Variants in STXBP6 observed in about 807,000 individuals in gnomAD.
STXBP6 encodes the protein syntaxin-binding protein 6.
In STXBP6, 21 loss-of-function variants were observed where a neutral mutation model predicts 26.9. The ratio of observed to expected loss-of-function variants is 0.78; its 90% CI spans 0.55 to 1.12. The LOEUF (loss-of-function observed/expected upper bound fraction) is 1.12, where lower values mean the gene tolerates loss of function less well. Among genes scored for constraint, STXBP6 ranks in the 50% most tolerant of loss-of-function variants. STXBP6 has a pLI of 0.00. For missense variants in STXBP6, 232 were observed against 257.9 expected (o/e 0.90, Z 0.69); for synonymous variants, 97 against 92.6 (o/e 1.05, Z -0.27).
chr14:24,816,872 A>G (rs974051754), intron 5 of STXBP6: 4 of 151,992 alleles, frequency 2.6e-5, no homozygotes, highest in African/African-American at 4.8e-5. Flanking sequence ...CAATTCTCCA[A>G]TCCCTCTACA....
At chr14:24,841,411 G>A (rs550635440) in intron 4 of STXBP6, among the ~76,000 whole-genome samples, 12 of 152,018 alleles carry the variant, frequency 7.9e-5, no homozygotes, top group Non-Finnish European at 1.3e-4. Flanking sequence ...TTTTTCTCTA[G>A]GTAAAGCTTT....
chr14:25,003,284 A>G (rs1171038242), intron 1 of STXBP6, among the ~76,000 whole-genome samples: 1 of 152,128 alleles, frequency 6.6e-6, no homozygotes, highest in Non-Finnish European at 1.5e-5. Flanking sequence ...AACCTCTAAT[A>G]CCAAGGAGAG....
At chr14:24,938,459 T>C (rs895949921) in intron 2 of STXBP6, among the ~76,000 whole-genome samples, 25 of 152,254 alleles carry the variant, frequency 1.6e-4, no homozygotes, top group African/African-American at 6.0e-4. Context: ...AAGGCCCTTG[T>C]TTGCTGTATG....
intron 4 of STXBP6, among the ~76,000 whole-genome samples, chr14:24,846,558 G>A (rs1307810215): frequency 6.6e-6 from 1 of 152,120 alleles, no homozygotes; most frequent in Non-Finnish European, 1.5e-5. Context: ...CATAAAGGTT[G>A]CCAGATAAAA....
intron 2 of STXBP6, among the ~76,000 whole-genome samples, chr14:24,886,007 T>C (rs1227562960): frequency 6.6e-6 from 1 of 152,218 alleles, no homozygotes; most frequent in Non-Finnish European, 1.5e-5. Context: ...TAAACATGCC[T>C]AGCTTCTTTC....
intron 4 of STXBP6, among the ~76,000 whole-genome samples, chr14:24,851,031 C>T (rs932074752): frequency 1.3e-5 from 2 of 152,046 alleles, no homozygotes; most frequent in Non-Finnish European, 2.9e-5. Flanking sequence ...CTACAGTTCA[C>T]AGTATTAGGC....
chr14:24,936,379 C>T (rs921602237), intron 2 of STXBP6, among the ~76,000 whole-genome samples: 1 of 152,136 alleles, frequency 6.6e-6, no homozygotes, highest in African/African-American at 2.4e-5. Flanking sequence ...CTGAGTAATG[C>T]CACCTTCAGA....
intron 4 of STXBP6, among the ~76,000 whole-genome samples, chr14:24,837,599 G>A (rs1011876250): frequency 2.6e-5 from 4 of 152,158 alleles, no homozygotes; most frequent in Non-Finnish European, 4.4e-5. Flanking sequence ...TTGGGGCTGA[G>A]TACACATAGA....
chr14:24,856,743 G>T (rs538401496), intron 3 of STXBP6, among the ~76,000 whole-genome samples: 1 of 151,372 alleles, frequency 6.6e-6, no homozygotes, highest in Non-Finnish European at 1.5e-5. Flanking sequence ...GATAACCATC[G>T]ATATGATTAT....
intron 2 of STXBP6, among the ~76,000 whole-genome samples, chr14:24,909,587 C>G (rs2071497546): frequency 6.6e-6 from 1 of 151,828 alleles, no homozygotes; most frequent in South Asian, 2.1e-4. Context: ...TCAAGTCCAG[C>G]CTGGGCAACA....
intron 4 of STXBP6, among the ~76,000 whole-genome samples, chr14:24,824,484 G>A (rs1485082974): frequency 6.6e-6 from 1 of 152,192 alleles, no homozygotes; most frequent in Non-Finnish European, 1.5e-5. Flanking sequence ...CCCGGTGATA[G>A]AAGTTGGCTC....
At chr14:25,016,847 G>A (rs2075159764) in intron 1 of STXBP6, among the ~76,000 whole-genome samples, 1 of 152,120 alleles carries the variant, frequency 6.6e-6, no homozygotes, top group Admixed American at 6.5e-5. Context: ...AATACTTCGG[G>A]CTCTAATTAC....
intron 2 of STXBP6, among the ~76,000 whole-genome samples, chr14:24,928,948 T>C (rs1009194619): frequency 2.1e-5 from 3 of 141,810 alleles, no homozygotes; most frequent in African/African-American, 8.2e-5. Context: ...ACACAGGCAC[T>C]AGATTAAAAA....
intron 2 of STXBP6, among the ~76,000 whole-genome samples, chr14:24,915,621 T>A (rs1481552867): frequency 6.6e-6 from 1 of 152,266 alleles, no homozygotes; most frequent in African/African-American, 2.4e-5. Context: ...GGTCATAGCA[T>A]GTGTATAGCA....
At chr14:25,028,827 A>C (rs1595345963) in intron 1 of STXBP6, among the ~76,000 whole-genome samples, 1 of 152,290 alleles carries the variant, frequency 6.6e-6, no homozygotes, top group East Asian at 1.9e-4. Flanking sequence ...AAATATCAAC[A>C]TTAACACGAG....
intron 1 of STXBP6, among the ~76,000 whole-genome samples, chr14:25,000,342 T>C (rs569951606): frequency 4.6e-5 from 7 of 150,964 alleles, no homozygotes; most frequent in South Asian, 2.1e-4. Flanking sequence ...GGATTACAGG[T>C]GTGAGCCACC....
At chr14:24,840,573 T>G (rs1007156292) in intron 4 of STXBP6, among the ~76,000 whole-genome samples, 68 of 152,224 alleles carry the variant, frequency 4.5e-4, no homozygotes, top group Non-Finnish European at 2.2e-4. Context: ...ACACACACTT[T>G]GGATCATTTC....
In STXBP6 at chr14:24,882,371, T is replaced by C. The variant is rs1252130963; in HGVS notation, c.155-25214A>G. 8.8e-5 allele frequency among the ~76,000 whole-genome samples: 4 copies of C among 45,642 alleles called. No homozygotes were observed. In the Admixed American group the frequency reaches 1.5e-3, roughly 17 times the overall value. The allele number at this position is 45,642 out of a possible 152,430, so 29.9% of individuals were successfully genotyped here. ...TCCAGCCTGGGCGACAGAGCGAGAC[T>C]CCGTCTCAAAAAAAAAAAAAAAAAA... On this transcript the variant is annotated intron_variant, in intron 2 of 5. Transcript: ENST00000323944.
chr14:24,970,139 G>T (rs892796510), intron 2 of STXBP6, among the ~76,000 whole-genome samples: 13 of 152,038 alleles, frequency 8.6e-5, no homozygotes, highest in Non-Finnish European at 1.6e-4. Context: ...TACTCAGGAG[G>T]CTGGGGCAGG....
Sources: allele counts gnomAD v4.1 joint callset (sites outside exome capture counted in the v4.1 genomes callset), GRCh38; gene constraint gnomAD v4.1.1; transcripts MANE v1.5; gene names NCBI Gene and HGNC (gene_info 2026-07-23, HGNC 2026-07-21).